Variants in FRMPD2 observed in about 807,000 individuals in gnomAD.
FRMPD2 encodes FERM and PDZ domain-containing protein 2.
Under a neutral mutation model 140.1 loss-of-function variants are expected in FRMPD2, and 96 were observed. That is an observed-to-expected ratio of 0.69 (90% CI 0.58 to 0.81). The LOEUF is 0.81. Ranked by LOEUF, FRMPD2 falls within the 40% of genes least tolerant of loss-of-function variation. The pLI is 0.00. For synonymous variants in FRMPD2, 449 were observed against 547.6 expected, an observed-to-expected ratio of 0.82 and a Z score of 2.52; for missense variants, 1,240 against 1,447.4, an observed-to-expected ratio of 0.86 and a Z score of 2.32.
At chr10:48,185,272 TA>T (rs1214077419) in intron 18 of FRMPD2, among the ~76,000 whole-genome samples, 1 of 152,164 alleles carries the variant, frequency 6.6e-6, no homozygotes, top group African/African-American at 2.4e-5. Context: ...TTCTTCCCCA[TA>T]GCTGACTAGA....
At chr10:48,223,070 C>G in intron 11 of FRMPD2, 53 bp downstream of exon 11, 1 of 1,536,168 alleles carries the variant, frequency 6.5e-7, no homozygotes, top group Non-Finnish European at 8.9e-7. Context: ...CTCCGTCAGC[C>G]TGGACATACA....
At chr10:48,223,375 G>T in intron 10 of FRMPD2, 105 bp from the exon 11 acceptor site, 1 of 1,166,384 alleles carries the variant, frequency 8.6e-7, no homozygotes, top group South Asian at 1.6e-5. Context: ...CACGAGCTGG[G>T]TGAGTGCAGG....
intron 12 of FRMPD2, among the ~76,000 whole-genome samples, chr10:48,213,662 C>T (rs74950624): frequency 0.034 from 5,234 of 152,168 alleles, 113 homozygotes; most frequent in Non-Finnish European, 0.042. Context: ...AATGAGCTGT[C>T]AAGCCTTGAA....
chr10:48,222,480 T>C (rs1213058832), intron 11 of FRMPD2, 29 bp from the exon 12 acceptor site: 1 of 1,611,824 alleles, frequency 6.2e-7, no homozygotes, highest in Non-Finnish European at 8.5e-7. Context: ...TAAAAAGGGC[T>C]GGGTTGCTAA....
intron 22 of FRMPD2, 117 bp from the exon 23 acceptor site, chr10:48,176,056 C>T (rs1176176667): frequency 3.4e-5 from 22 of 647,488 alleles, no homozygotes; most frequent in Admixed American, 1.5e-4. Context: ...ACCTTACCTC[C>T]GACTGGCACT....
chr10:48,185,749 T>G, intron 17 of FRMPD2, 104 bp from the exon 18 acceptor site: 3 of 794,760 alleles, frequency 3.8e-6, no homozygotes, highest in East Asian at 2.5e-5. Flanking sequence ...CGCACACACA[T>G]TCACACGCAC....
chr10:48,250,250 C>T (rs945694763), intron 2 of FRMPD2, among the ~76,000 whole-genome samples: 5 of 152,192 alleles, frequency 3.3e-5, no homozygotes, highest in African/African-American at 4.8e-5. Flanking sequence ...TCTGGCAGGG[C>T]ACACCAGCAA....
intron 14 of FRMPD2, among the ~76,000 whole-genome samples, chr10:48,205,373 G>C (rs1027286417): frequency 6.6e-6 from 1 of 152,168 alleles, no homozygotes; most frequent in African/African-American, 2.4e-5. Context: ...ATAAATACCT[G>C]TAAAAGTTAA....
intron 1 of FRMPD2, among the ~76,000 whole-genome samples, chr10:48,253,265 A>G (rs1840427522): frequency 1.3e-5 from 2 of 152,354 alleles, no homozygotes; most frequent in South Asian, 4.1e-4. Context: ...AAAGCTGAAC[A>G]TGGTCCTAAA....
At chr10:48,188,125 G>A (rs867334484) in intron 16 of FRMPD2, among the ~76,000 whole-genome samples, 4 of 152,214 alleles carry the variant, frequency 2.6e-5, no homozygotes, top group South Asian at 4.1e-4. Context: ...CATCTGAGCA[G>A]ATTCCGCTTC....
At chr10:48,242,796 G>A (rs184887640) in intron 4 of FRMPD2, among the ~76,000 whole-genome samples, 1 of 152,364 alleles carries the variant, frequency 6.6e-6, no homozygotes, top group Non-Finnish European at 1.5e-5. Context: ...GGAACATACA[G>A]ACTGTGGCCT....
chr10:48,229,432 G>A (rs532875086), intron 10 of FRMPD2, among the ~76,000 whole-genome samples: 4 of 151,986 alleles, frequency 2.6e-5, no homozygotes, highest in Non-Finnish European at 5.9e-5. Context: ...GAGTCTTTTT[G>A]ACCTTGAATT....
chr10:48,164,019 T>A (rs1465634070), intron 27 of FRMPD2, among the ~76,000 whole-genome samples: 1 of 151,144 alleles, frequency 6.6e-6, no homozygotes, highest in African/African-American at 2.5e-5. Flanking sequence ...TTTTTCATCT[T>A]CATCTGTCAT....
chr10:48,249,305 A>G, intron 2 of FRMPD2, 127 bp from the exon 3 acceptor site: 1 of 814,756 alleles, frequency 1.2e-6, no homozygotes, highest in Non-Finnish European at 1.9e-6. Flanking sequence ...GACCCAGAGG[A>G]GACATGGAAC....
rs1484671897 is a variant in FRMPD2, at chr10:48,192,817, T to C, written c.2032A>G (p.Arg678Gly). ...AACTCGTTTTCTGAGCATGACAATCTCTGAATCCAAATGAGAGGCTTAGAC... is the reference window on the plus strand; with the variant it reads ...AACTCGTTTTCTGAGCATGACAATCCCTGAATCCAAATGAGAGGCTTAGAC... ...ARSKPLIWIQ[R>G]LSCSENELFV... Residue 678 changes from arginine (R) to glycine (G), a missense_variant, in exon 16 of 29, where the codon AGA becomes GGA. Coordinates refer to ENST00000374201, the MANE Select transcript of FRMPD2 (RefSeq NM_001018071.4). 3.7e-6 allele frequency: 6 copies of C among 1,613,992 alleles called. No individual in the cohort carries two copies. The highest frequency in any genetic ancestry group is 5.1e-6 in the Non-Finnish European group (6 of 1,180,020).
At chr10:48,273,247 C>T (rs901104417) in intron 1 of FRMPD2, among the ~76,000 whole-genome samples, 1 of 152,162 alleles carries the variant, frequency 6.6e-6, no homozygotes, top group Non-Finnish European at 1.5e-5. Context: ...CCTCTCCAAT[C>T]CCACACCCAT....
chr10:48,208,565 T>C (rs1839250669), intron 13 of FRMPD2, among the ~76,000 whole-genome samples: 1 of 152,190 alleles, frequency 6.6e-6, no homozygotes, highest in Non-Finnish European at 1.5e-5. Flanking sequence ...TGCTCCTGAG[T>C]CTTCACTCTT....
At chr10:48,160,179 T>C (rs1484135434) in intron 28 of FRMPD2, among the ~76,000 whole-genome samples, 2 of 151,486 alleles carry the variant, frequency 1.3e-5, no homozygotes, top group African/African-American at 2.4e-5. Context: ...GTAATCCAAC[T>C]CTCCTTCATA....
intron 1 of FRMPD2, among the ~76,000 whole-genome samples, chr10:48,257,149 C>A (rs1015766468): frequency 6.6e-6 from 1 of 151,770 alleles, no homozygotes; most frequent in African/African-American, 2.4e-5. Context: ...GTGGTCACAT[C>A]GCCTTCTCCT....
Sources: allele counts gnomAD v4.1 joint callset (sites outside exome capture counted in the v4.1 genomes callset), GRCh38; gene constraint gnomAD v4.1.1; transcripts MANE v1.5; gene names NCBI Gene and HGNC (gene_info 2026-07-23, HGNC 2026-07-21).